The following KPNA1 variants were observed in gnomAD, a reference collection of about 807,000 sequenced individuals.
The protein encoded by KPNA1 is karyopherin subunit alpha 1.
KPNA1 carries 10 observed loss-of-function variants against 70.5 expected under a neutral mutation model. That is an observed-to-expected ratio of 0.14 (90% CI 0.09 to 0.24). KPNA1 has a LOEUF of 0.24. KPNA1 is among the 10% of genes least tolerant of loss of function. The pLI, the probability that KPNA1 is intolerant of heterozygous loss-of-function variation, is 1.00. For synonymous variants in KPNA1, 192 were observed against 221.9 expected (o/e 0.87, Z 1.20); for missense variants, 397 against 637.9 (o/e 0.62, Z 4.07).
chr3:122,456,072 T>C (rs2076261903), intron 5 of KPNA1, among the ~76,000 whole-genome samples: 1 of 152,208 alleles, frequency 6.6e-6, no homozygotes, highest in Admixed American at 6.5e-5. Flanking sequence ...AGTCATAGTT[T>C]CCTGAAACAT....
In KPNA1 at chr3:122,476,861, C is replaced by CAAAAAAAAAAAAAAA. The variant is rs144118691; in HGVS notation, c.130-9447_130-9433dup. ...TATGAAAAACAGTATGGAGGTTCCA[C>CAAAAAAAAAAAAAAA]AAAAAAAAAAAAAAAAAAAAAAACT... is the stretch of plus-strand genomic sequence containing the variant. On this transcript the variant is annotated intron_variant, in intron 2 of 13. Coordinates refer to ENST00000344337, the MANE Select transcript of KPNA1 (RefSeq NM_002264.4). 2.0e-3 allele frequency among the ~76,000 whole-genome samples: 132 copies of CAAAAAAAAAAAAAAA among 65,474 alleles called. 5 individuals are homozygous for CAAAAAAAAAAAAAAA. The highest frequency in any genetic ancestry group is 0.011 in the Middle Eastern group (1 of 90). The allele number at this position is 65,474 out of a possible 152,430, so 43.0% of individuals were successfully genotyped here.
intron 2 of KPNA1, among the ~76,000 whole-genome samples, chr3:122,473,740 C>T (rs114408129): frequency 2.2e-3 from 339 of 152,244 alleles, no homozygotes; most frequent in African/African-American, 7.4e-3. Flanking sequence ...AAACCTACAG[C>T]TAACATCATA....
intron 2 of KPNA1, among the ~76,000 whole-genome samples, chr3:122,482,416 C>T (rs1008689598): frequency 2.0e-5 from 3 of 152,096 alleles, no homozygotes; most frequent in Non-Finnish European, 4.4e-5. Flanking sequence ...ATGAAAGACC[C>T]ACTACTTTTC....
intron 2 of KPNA1, among the ~76,000 whole-genome samples, chr3:122,469,609 C>A (rs529413699): frequency 1.6e-4 from 24 of 152,298 alleles, no homozygotes; most frequent in African/African-American, 5.5e-4. Flanking sequence ...TCATCTGCAT[C>A]TTGTTATTGG....
At chr3:122,513,017 T>G (rs1356166151) in intron 1 of KPNA1, among the ~76,000 whole-genome samples, 1 of 152,204 alleles carries the variant, frequency 6.6e-6, no homozygotes, top group Non-Finnish European at 1.5e-5. Context: ...CAGTGAGTTT[T>G]GATCGCGACT....
chr3:122,476,503 T>C (rs1357757480), intron 2 of KPNA1, among the ~76,000 whole-genome samples: 2 of 152,046 alleles, frequency 1.3e-5, no homozygotes, highest in East Asian at 3.8e-4. Context: ...GAAGAAAATA[T>C]TTGCAAACCG....
chr3:122,455,541 C>T (rs571816856), intron 5 of KPNA1, among the ~76,000 whole-genome samples: 1 of 152,120 alleles, frequency 6.6e-6, no homozygotes, highest in South Asian at 2.1e-4. Context: ...GACATTTGTA[C>T]CGTACTTTAT....
chr3:122,489,091 C>G (rs2076666144), intron 2 of KPNA1, among the ~76,000 whole-genome samples: 2 of 85,306 alleles, frequency 2.3e-5, no homozygotes, highest in Non-Finnish European at 2.5e-5. Context: ...TGTGTCAGGG[C>G]AGGGCGGGGG....
At chr3:122,447,066 T>G (rs1305908813) in intron 9 of KPNA1, among the ~76,000 whole-genome samples, 1 of 152,184 alleles carries the variant, frequency 6.6e-6, no homozygotes, top group Non-Finnish European at 1.5e-5. Context: ...ACCAGATGGA[T>G]TCACAGCCAA....
At chr3:122,438,142 C>A (rs1389895191) in intron 10 of KPNA1, among the ~76,000 whole-genome samples, 1 of 152,078 alleles carries the variant, frequency 6.6e-6, no homozygotes, top group Admixed American at 6.5e-5. Flanking sequence ...GGGGTGGATC[C>A]TTCAAGAATG....
intron 1 of KPNA1, among the ~76,000 whole-genome samples, chr3:122,499,070 A>T (rs1468632938): frequency 6.6e-6 from 1 of 152,220 alleles, no homozygotes; most frequent in Non-Finnish European, 1.5e-5. Context: ...CTGATCTTGT[A>T]TTTTACAATC....
chr3:122,477,681 A>G (rs564942617), intron 2 of KPNA1, among the ~76,000 whole-genome samples: 1 of 149,362 alleles, frequency 6.7e-6, no homozygotes, highest in Admixed American at 6.6e-5. Context: ...ACCTTGTCTC[A>G]AAAAAACAAA....
intron 8 of KPNA1, 31 bp from the exon 9 acceptor site, chr3:122,449,768 C>A: frequency 6.3e-7 from 1 of 1,582,822 alleles, no homozygotes; most frequent in South Asian, 1.1e-5. Flanking sequence ...TTATGAAATT[C>A]AATAGACTAA....
chr3:122,452,528 AGGAGGGAAGGAGGGAAGGAG>A (rs1466934319), intron 6 of KPNA1, among the ~76,000 whole-genome samples: 8,986 of 52,474 alleles, frequency 0.17, 783 homozygotes, highest in Non-Finnish European at 0.22. Flanking sequence ...GAAGGAGGGA[AGGAGGGAAGGAGGGAAGGAG>A]GGAGGGAGGG....
At chr3:122,512,214 TA>T (rs200030053) in intron 1 of KPNA1, among the ~76,000 whole-genome samples, 56 of 145,390 alleles carry the variant, frequency 3.9e-4, no homozygotes, top group East Asian at 4.0e-4. Context: ...ATCATTAGTT[TA>T]AAAAAAAAAA....
chr3:122,475,515 G>C (rs984017080), intron 2 of KPNA1, among the ~76,000 whole-genome samples: 40 of 151,992 alleles, frequency 2.6e-4, no homozygotes, highest in African/African-American at 5.3e-4. Flanking sequence ...AATTCATATG[G>C]ACCTACAAAA....
At chr3:122,477,887 C>A (rs966760059) in intron 2 of KPNA1, among the ~76,000 whole-genome samples, 2 of 150,188 alleles carry the variant, frequency 1.3e-5, no homozygotes, top group East Asian at 1.9e-4. Context: ...GTCCAGGCTG[C>A]GTGCAATGGC....
rs940154624 is a variant in KPNA1, at chr3:122,449,863, A to C, written c.754-126T>G. The C allele has an allele frequency of 6.1e-6, 4 of 650,436 alleles. No homozygotes were observed. The African/African-American group carries it at 7.5e-5, about 12-fold the overall frequency. 40.3% of individuals were successfully genotyped at this position (650,436 alleles called of 1,614,324 possible). On this transcript the variant is annotated intron_variant, in intron 8 of 13. Coordinates refer to ENST00000344337, the MANE Select transcript of KPNA1 (RefSeq NM_002264.4). ...AGGGTGATTTACACTTCTAAAGATG[A>C]AGCAGCAAGTACCTAAGTGGCATTT...
Position 122,496,492 on chromosome 3 carries a change from C to G in KPNA1, c.74G>C (p.Arg25Pro). ...CAGTCCTTCTTCCTCCCTCCTCCTG[C>G]GCATCTCATCGGGATTCAGAGATTT... ...KNKSLNPDEM[R>P]RRREEEGLQL... The change falls in exon 2 of 14, where the codon CGC (arginine) becomes CCC (proline). Residue 25 changes from arginine to proline, a missense_variant. Arg to Pro is a moderately radical substitution (Grantham distance 103). Coordinates refer to ENST00000344337, the MANE Select transcript of KPNA1 (RefSeq NM_002264.4). The G allele has an allele frequency of 6.2e-7, 1 of 1,613,794 alleles. No individual in the cohort carries two copies. Among genetic ancestry groups the G allele is most frequent in the South Asian group, 1.1e-5 (1 of 91,058 alleles).
Sources: gnomAD v4.1 joint callset for allele counts (sites outside exome capture counted in the v4.1 genomes callset) on GRCh38, gnomAD v4.1.1 for gene constraint, MANE v1.5 for transcripts, NCBI Gene and HGNC (gene_info 2026-07-23, HGNC 2026-07-21) for gene names.